The following NPRL2 variants were observed in gnomAD, a reference collection of about 807,000 sequenced individuals.
NPRL2 encodes the protein GATOR1 complex protein NPRL2.
A neutral mutation model predicts 51.1 loss-of-function variants in NPRL2; 21 were observed. The ratio of observed to expected loss-of-function variants is 0.41; its 90% confidence interval spans 0.29 to 0.59. The LOEUF (loss-of-function observed/expected upper bound fraction) is 0.59. Ranked by LOEUF, NPRL2 falls within the 20% of genes least tolerant of loss-of-function variation. The pLI, the probability that NPRL2 is intolerant of heterozygous loss-of-function variation, is 0.29. For missense variants in NPRL2, 376 were observed against 483.4 expected, an observed-to-expected ratio of 0.78 and a Z score of 2.08; for synonymous variants, 175 against 187.8, an observed-to-expected ratio of 0.93 and a Z score of 0.56.
At position 50,347,646 on chromosome 3, in the gene NPRL2, C is replaced by G. The variant is rs761380661; in HGVS notation, c.1103G>C (p.Arg368Pro). The G allele has an allele frequency of 6.2e-7, 1 of 1,614,076 alleles. No homozygotes were observed. The highest frequency in any genetic ancestry group is 1.7e-5 in the Admixed American group (1 of 60,024). The change falls in exon 11 of 11, where the codon CGG (arginine) becomes CCG (proline). Residue 368 changes from arginine to proline, a missense_variant. Coordinates refer to ENST00000232501, the MANE Select transcript of NPRL2 (RefSeq NM_006545.5). ...GATGATGTTGGGGTCATTTTCAAGC[C>G]GCTCATCCAGCTCATGGTAGCTCAT... is the stretch of plus-strand genomic sequence containing the variant. ...TGMSYHELDERLENDPNIIIC... is the reference protein window; with the variant it reads ...TGMSYHELDEPLENDPNIIIC...
In NPRL2 at chr3:50,349,422, C is replaced by G; in HGVS notation, c.412G>C (p.Glu138Gln). The G allele has an allele frequency of 6.2e-7, 1 of 1,613,754 alleles. No individual in the cohort carries two copies. Among genetic ancestry groups the G allele is most frequent in the Non-Finnish European group, 8.5e-7 (1 of 1,180,024 alleles). ...GTGCACCGGCCTGAGGCATTTAGCT[C>G]CTCCAGCAAGATGGTCATGATGGGC... ...LVPIMTILLE[E>Q]LNASGRCTLP... The change falls in exon 4 of 11, where the codon GAG becomes CAG. Residue 138 changes from glutamate (E) to glutamine (Q), a missense_variant. Glu to Gln is a conservative substitution (Grantham distance 29). Coordinates refer to ENST00000232501, the MANE Select transcript of NPRL2 (RefSeq NM_006545.5). The surrounding 1 kb of genome is among the most constrained non-coding windows in gnomAD (Gnocchi z 4.6).
In NPRL2 at chr3:50,350,152, G is replaced by T; in HGVS notation, c.79-130C>A. 1 of 709,994 alleles carries T rather than the reference G, an allele frequency of 1.4e-6. No individual in the cohort carries two copies. The highest frequency in any genetic ancestry group is 2.6e-5 in the East Asian group (1 of 39,172). The allele number at this position is 709,994 out of a possible 1,614,324, so 44.0% of individuals were successfully genotyped here. A position where few individuals can be genotyped will look rare whatever the true frequency, so the allele number is the denominator to read the frequency against. Reference sequence around the variant, plus strand: ...GTTCCCCTCTCTCCCATCCACTCAGGCCTATTACTTCTTTCTGTTTCCAAA... The same window carrying T: ...GTTCCCCTCTCTCCCATCCACTCAGTCCTATTACTTCTTTCTGTTTCCAAA... On this transcript the variant is annotated intron_variant, in intron 1 of 10. Coordinates refer to ENST00000232501, the MANE Select transcript of NPRL2 (RefSeq NM_006545.5). This position sits in a 1 kb window ranked among gnomAD's most constrained non-coding sequence, Gnocchi z 5.7.
At position 50,349,019 on chromosome 3, in the gene NPRL2, G is replaced by C; in HGVS notation, c.449-9C>G. On this transcript the variant is annotated splice_polypyrimidine_tract_variant and intron_variant, in intron 4 of 10. Transcript: ENST00000232501. The surrounding 1 kb of genome is among the most constrained non-coding windows in gnomAD (Gnocchi z 4.6). Reference sequence around the variant, plus strand: ...GATGGTGTTGGACTCATCTGCAGGGGGCCCCATCCATATCCTCAGTGCCAC... The same window carrying C: ...GATGGTGTTGGACTCATCTGCAGGGCGCCCCATCCATATCCTCAGTGCCAC... The C allele has an allele frequency of 6.2e-7, 1 of 1,611,986 alleles. No individual in the cohort carries two copies. The highest frequency in any genetic ancestry group is 8.5e-7 in the Non-Finnish European group (1 of 1,179,142).
intron 9 of NPRL2, 62 bp from the exon 10 acceptor site, chr3:50,347,963 C>T: frequency 6.2e-7 from 1 of 1,608,498 alleles, no homozygotes; most frequent in Non-Finnish European, 8.5e-7. Context: ...GGCAGGCCAA[C>T]CCTTTCCTGT....
Position 50,348,953 on chromosome 3 carries a change from G to T in NPRL2, c.506C>A (p.Ala169Asp). ...AAAGACAGGTACATCATACTCCTGG[G>T]CCACCGGAGGGTCTGGCCGCTGCTC... ...VIEQRPDPPV[A>D]QEYDVPVFTK... Residue 169 changes from alanine to aspartate, a missense_variant, in exon 5 of 11, where the codon GCC becomes GAC. By Grantham distance (126) the Ala-to-Asp change is moderately radical. Transcript: ENST00000232501. The surrounding 1 kb of genome is among the most constrained non-coding windows in gnomAD (Gnocchi z 5.8). 2 of 1,613,992 alleles carry T rather than the reference G, an allele frequency of 1.2e-6. No individual in the cohort carries two copies. Among genetic ancestry groups the T allele is most frequent in the Non-Finnish European group, 1.7e-6 (2 of 1,180,018 alleles).
At position 50,348,880 on chromosome 3, in the gene NPRL2, T is replaced by G. The variant is rs145435340; in HGVS notation, c.579A>C (p.Thr193=). 9 of 1,613,942 alleles carry G rather than the reference T, an allele frequency of 5.6e-6. No individual in the cohort carries two copies. The African/African-American group carries it at 1.2e-4, about 22-fold the overall frequency. The change falls in exon 5 of 11, where the codon ACA becomes ACC. Residue 193 remains threonine (T), a synonymous_variant. Transcript: ENST00000232501. The surrounding 1 kb of genome is among the most constrained non-coding windows in gnomAD (Gnocchi z 5.8). ...CCAGGGAGGGATGGCATACTTGTTGTGTAGTGAGGTCCCACTGTGAGTTGA... is the reference window on the plus strand; with the variant it reads ...CCAGGGAGGGATGGCATACTTGTTGGGTAGTGAGGTCCCACTGTGAGTTGA... ...DFFNSQWDLT[T]QQILPYIDGF...
chr3:50,349,092 T>TG lies in NPRL2; in HGVS notation c.449-83dup. ...ACCATCCAGGCCTCCCAGCATCCCT[T>TG]GGGGCAAGCAGGTGCCTCTGGGTAG... On this transcript the variant is annotated intron_variant, in intron 4 of 10. Transcript: ENST00000232501. This position sits in a 1 kb window ranked among gnomAD's most constrained non-coding sequence, Gnocchi z 4.6. 6.5e-7 allele frequency: 1 copy of TG among 1,528,166 alleles called. No homozygotes were observed. 94.7% of individuals were successfully genotyped at this position (1,528,166 alleles called of 1,614,324 possible).
At position 50,349,393 on chromosome 3, in the gene NPRL2, C is replaced by T. The variant is rs1473327604; in HGVS notation, c.441G>A (p.Leu147=). Residue 147 remains leucine (L), a synonymous_variant, in exon 4 of 11, where the codon CTG becomes CTA. Coordinates refer to ENST00000232501, the MANE Select transcript of NPRL2 (RefSeq NM_006545.5). This position sits in a 1 kb window ranked among gnomAD's most constrained non-coding sequence, Gnocchi z 4.6. ...TGCAGAGGCTGGCCATACCAATGGG[C>T]AGAGTGCACCGGCCTGAGGCATTTA... ...EELNASGRCT[L]PIDESNTIHL... 6.2e-7 allele frequency: 1 copy of T among 1,613,340 alleles called. No homozygotes were observed.
chr3:50,347,831 G>C lies in NPRL2; in HGVS notation c.1003C>G (p.Arg335Gly). 2 of 1,614,002 alleles carry C rather than the reference G, an allele frequency of 1.2e-6. No individual in the cohort carries two copies. The highest frequency in any genetic ancestry group is 8.5e-7 in the Non-Finnish European group (1 of 1,180,026). ...CGGGCAGGGTGGCTCTGCTCTTCCCGAGTCACCCGCACAGGATACTTCTGT... is the reference window on the plus strand; with the variant it reads ...CGGGCAGGGTGGCTCTGCTCTTCCCCAGTCACCCGCACAGGATACTTCTGT... ...RLQKYPVRVT[R>G]EEQSHPARLY... Residue 335 changes from arginine (R) to glycine (G), a missense_variant, in exon 10 of 11, where the codon CGG (arginine) becomes GGG (glycine). Coordinates refer to ENST00000232501, the MANE Select transcript of NPRL2 (RefSeq NM_006545.5).
rs1253458280 is a variant in NPRL2 at position 50,347,756 on chromosome 3, C to G, written c.1075+3G>C. 1.2e-6 allele frequency: 2 copies of G among 1,613,822 alleles called. No individual in the cohort carries two copies. The highest frequency in any genetic ancestry group is 2.7e-5 in the African/African-American group (2 of 74,926). On this transcript the variant is annotated splice_donor_region_variant and intron_variant, in intron 10 of 10. Transcript: ENST00000232501. Reference sequence around the variant, plus strand: ...CCCACCCTGACTGCCCGCCTGCCTCCACCTGTCTTGCAGCAGATCTCGTCA... The same window carrying G: ...CCCACCCTGACTGCCCGCCTGCCTCGACCTGTCTTGCAGCAGATCTCGTCA...
In NPRL2 at chr3:50,350,250, C is replaced by A; in HGVS notation, c.79-228G>T. The stretch of plus-strand genomic sequence containing the variant: ...CCTCTACCTGGAACACTTTCTCCTG[C>A]CTTACCTAAACTTCCTATGCATCAT... On this transcript the variant is annotated intron_variant, in intron 1 of 10. Transcript: ENST00000232501. The surrounding 1 kb of genome is among the most constrained non-coding windows in gnomAD (Gnocchi z 5.7). The A allele has an allele frequency of 1.7e-6, 1 of 596,992 alleles. No individual in the cohort carries two copies. The highest frequency in any genetic ancestry group is 3.0e-6 in the Non-Finnish European group (1 of 336,258). The allele number at this position is 596,992 out of a possible 1,614,324, so 37.0% of individuals were successfully genotyped here.
Position 50,350,759 on chromosome 3 carries a change from C to A in NPRL2, c.-107G>T, listed in dbSNP as rs1703731396. 2 of 1,490,618 alleles carry A rather than the reference C, an allele frequency of 1.3e-6. No homozygotes were observed. The highest frequency in any genetic ancestry group is 1.8e-6 in the Non-Finnish European group (2 of 1,121,070). The allele number at this position is 1,490,618 out of a possible 1,614,324, so 92.3% of individuals were successfully genotyped here. ...AGCCTCGAGGCCTGTGTCGCTGGGG[C>A]ACGCAAGCTTGCCAATCCCTCTGCC... is the stretch of plus-strand genomic sequence containing the variant. On this transcript the variant is annotated 5_prime_UTR_variant, in exon 1 of 11. Coordinates refer to ENST00000232501, the MANE Select transcript of NPRL2 (RefSeq NM_006545.5). This position sits in a 1 kb window ranked among gnomAD's most constrained non-coding sequence, Gnocchi z 5.7.
chr3:50,350,599 C>G lies in NPRL2; in HGVS notation c.54G>C (p.Thr18=). The change falls in exon 1 of 11, where the codon ACG becomes ACC. Residue 18 remains threonine, a synonymous_variant. Transcript: ENST00000232501. The surrounding 1 kb of genome is among the most constrained non-coding windows in gnomAD (Gnocchi z 5.7). ...CCTGATAGGTGATCTTGGGTCCCAG[C>G]GTGGGGTGGAACTCGCTGAAGAATA... ...ECIFFSEFHP[T]LGPKITYQVP... 1 of 1,609,258 alleles carries G rather than the reference C, an allele frequency of 6.2e-7. No homozygotes were observed. The highest frequency in any genetic ancestry group is 2.2e-5 in the East Asian group (1 of 44,716).
chr3:50,347,701 G>C (rs779001150), intron 10 of NPRL2, 28 bp from the exon 11 acceptor site: 1 of 1,614,008 alleles, frequency 6.2e-7, no homozygotes, highest in Admixed American at 1.7e-5. Context: ...GGAGAGGTCA[G>C]TGGCCTTGGC....
chr3:50,348,509 C>T lies in NPRL2; in HGVS notation c.720+18G>A, dbSNP rs763820779. On this transcript the variant is annotated intron_variant, in intron 7 of 10. Coordinates refer to ENST00000232501, the MANE Select transcript of NPRL2 (RefSeq NM_006545.5). The surrounding 1 kb of genome is among the most constrained non-coding windows in gnomAD (Gnocchi z 5.8). ...CCACATGATCCACTCTCCACTTAAC[C>T]AAACCCAACTCACCTACCTGGAGGA... The T allele has an allele frequency of 6.2e-7, 1 of 1,614,094 alleles. No individual in the cohort carries two copies. The highest frequency in any genetic ancestry group is 2.2e-5 in the East Asian group (1 of 44,890).
rs746338486 is a variant in NPRL2 at position 50,347,645 on chromosome 3, C to T, written c.1104G>A (p.Arg368=). The change falls in exon 11 of 11, where the codon CGG becomes CGA. Residue 368 remains arginine (R), a synonymous_variant. Transcript: ENST00000232501. ...TGATGATGTTGGGGTCATTTTCAAG[C>T]CGCTCATCCAGCTCATGGTAGCTCA... The part of the protein sequence containing the change: ...TGMSYHELDE[R]LENDPNIIIC... 103 of 1,613,988 alleles carry T rather than the reference C, an allele frequency of 6.4e-5. No homozygotes were observed. Among genetic ancestry groups the T allele is most frequent in the Non-Finnish European group, 8.6e-5 (102 of 1,180,052 alleles).
chr3:50,347,774 T>G lies in NPRL2; in HGVS notation c.1060A>C (p.Ile354Leu). Residue 354 changes from isoleucine to leucine, a missense_variant, in exon 10 of 11, where the codon ATC (isoleucine) becomes CTC (leucine). By Grantham distance (5) the Ile-to-Leu change is conservative. Coordinates refer to ENST00000232501, the MANE Select transcript of NPRL2 (RefSeq NM_006545.5). ...CTGCCTCCACCTGTCTTGCAGCAGA[T>G]CTCGTCATAGCTGTGGCAGCCTGTA... ...LYTGCHSYDE[I>L]CCKTGMSYHE... The G allele has an allele frequency of 6.2e-7, 1 of 1,613,944 alleles. No individual in the cohort carries two copies. The highest frequency in any genetic ancestry group is 8.5e-7 in the Non-Finnish European group (1 of 1,180,032).
rs1703691776 is a variant in NPRL2, at chr3:50,349,794, G to A, written c.210C>T (p.Cys70=). 15 of 1,613,894 alleles carry A rather than the reference G, an allele frequency of 9.3e-6. No individual in the cohort carries two copies. The highest frequency in any genetic ancestry group is 1.3e-5 in the Non-Finnish European group (15 of 1,179,954). ...TGCGGCTGTACTTCTTGTGTTCGAT[G>A]CACACAGGACAGCCGATCAGCTTCT... The part of the protein sequence containing the change: ...MEKKLIGCPV[C]IEHKKYSRNA... Residue 70 remains cysteine, a synonymous_variant, in exon 3 of 11, where the codon TGC becomes TGT. Transcript: ENST00000232501. The surrounding 1 kb of genome is among the most constrained non-coding windows in gnomAD (Gnocchi z 4.6).
chr3:50,348,630 T>C lies in NPRL2; in HGVS notation c.683+55A>G, dbSNP rs1703640300. The C allele has an allele frequency of 1.2e-6, 2 of 1,613,610 alleles. No individual in the cohort carries two copies. Among genetic ancestry groups the C allele is most frequent in the South Asian group, 1.1e-5 (1 of 91,074 alleles). ...TCCCAACCCTCACACCCAGGGCCCC[T>C]GAGGTCTTCCCTGGCTGGTGACCTT... On this transcript the variant is annotated intron_variant, in intron 6 of 10. Coordinates refer to ENST00000232501, the MANE Select transcript of NPRL2 (RefSeq NM_006545.5). The surrounding 1 kb of genome is among the most constrained non-coding windows in gnomAD (Gnocchi z 5.8).
Sources: allele counts gnomAD v4.1 joint callset, GRCh38; gene constraint gnomAD v4.1.1; non-coding constraint Gnocchi (gnomAD v3.1); transcripts MANE v1.5; gene names NCBI Gene and HGNC (gene_info 2026-07-23, HGNC 2026-07-21).